The following TGS1 variants were observed in gnomAD, a reference collection of about 807,000 sequenced individuals.
TGS1 encodes the protein trimethylguanosine synthase 1.
Under a neutral mutation model 92.2 loss-of-function variants are expected in TGS1, and 69 were observed. The observed-to-expected ratio is 0.75, with a 90% CI of 0.62 to 0.91. The LOEUF (loss-of-function observed/expected upper bound fraction) is 0.91, where lower values mean the gene tolerates loss of function less well. Among genes scored for constraint, TGS1 ranks in the 40% least tolerant of loss-of-function variants. The probability of loss-of-function intolerance (pLI) is 0.00; values close to 1 mark genes in which losing one functional copy is unlikely to be tolerated. For synonymous variants in TGS1, 345 were observed against 338.1 expected (o/e 1.02, Z -0.22); for missense variants, 1,062 against 1,001.2 (o/e 1.06, Z -0.82).
chr8:55,785,508 A>G (rs1365398395), intron 2 of TGS1, among the ~76,000 whole-genome samples: 2 of 152,088 alleles, frequency 1.3e-5, no homozygotes, highest in East Asian at 3.9e-4. Context: ...AGAGCTTTTT[A>G]GTGCATTATG....
intron 4 of TGS1, among the ~76,000 whole-genome samples, chr8:55,789,332 T>C (rs17445804): frequency 0.021 from 3,248 of 152,334 alleles, 58 homozygotes; most frequent in Middle Eastern, 0.051. Context: ...AGTATTGTCT[T>C]TGTTACTCTC....
intron 5 of TGS1, 122 bp downstream of exon 5, chr8:55,790,421 A>T (rs1171550350): frequency 2.9e-6 from 2 of 679,522 alleles, no homozygotes; most frequent in East Asian, 5.2e-5. Context: ...AAGAGGCAGG[A>T]TCTACTGGTA....
chr8:55,806,380 CAAAA>C (rs1812373742), intron 10 of TGS1, among the ~76,000 whole-genome samples: 1 of 119,576 alleles, frequency 8.4e-6, no homozygotes, highest in African/African-American at 3.2e-5. Flanking sequence ...AAAAAAAAGA[CAAAA>C]GAAAAAAAAA....
intron 1 of TGS1, among the ~76,000 whole-genome samples, chr8:55,778,142 G>T (rs960712769): frequency 6.6e-6 from 1 of 152,074 alleles, no homozygotes; most frequent in African/African-American, 2.4e-5. Context: ...GCATGGTGGG[G>T]CACTCCTGTA....
chr8:55,795,895 AATGTT>A, intron 6 of TGS1, 78 bp from the exon 7 acceptor site: 1 of 1,042,946 alleles, frequency 9.6e-7, no homozygotes, highest in Non-Finnish European at 1.4e-6. Context: ...AATGAGTGAA[AATGTT>A]AGTTTCATCC....
chr8:55,818,817 A>T (rs1803553988), intron 12 of TGS1, among the ~76,000 whole-genome samples: 1 of 152,246 alleles, frequency 6.6e-6, no homozygotes, highest in South Asian at 2.1e-4. Flanking sequence ...GCTACCTGCC[A>T]GTCCTGTGCT....
intron 2 of TGS1, among the ~76,000 whole-genome samples, chr8:55,783,045 T>A (rs1563450773): frequency 6.6e-6 from 1 of 152,218 alleles, no homozygotes; most frequent in African/African-American, 2.4e-5. Context: ...TAGCCTCTTT[T>A]GCTGTGTGTA....
intron 10 of TGS1, among the ~76,000 whole-genome samples, chr8:55,809,945 A>T (rs1563466704): frequency 6.6e-6 from 1 of 152,134 alleles, no homozygotes; most frequent in African/African-American, 2.4e-5. Context: ...ACTGAAAAGA[A>T]TTTTTTCTCT....
chr8:55,814,716 C>T (rs1287616020), intron 12 of TGS1, among the ~76,000 whole-genome samples: 1 of 140,610 alleles, frequency 7.1e-6, no homozygotes, highest in Non-Finnish European at 1.5e-5. Flanking sequence ...CACATACACA[C>T]AAATTAGCCG....
chr8:55,779,639 T>G (rs935830600), intron 1 of TGS1, among the ~76,000 whole-genome samples: 6 of 152,214 alleles, frequency 3.9e-5, no homozygotes, highest in African/African-American at 1.4e-4. Context: ...CTGATGCTAC[T>G]TTTAGGAAGC....
rs1347185580 is a variant in TGS1, at chr8:55,773,800, G to A, written c.101+81G>A. On this transcript the variant is annotated intron_variant, in intron 1 of 12. Transcript: ENST00000260129. ...AGGTATTGCAAACGTGGTTGTAATT[G>A]ATCCCTGAAAGCAGCCAGAACATCT... 4.3e-6 allele frequency: 5 copies of A among 1,168,954 alleles called. No homozygotes were observed. The East Asian group carries it at 1.0e-4, about 24-fold the overall frequency. The allele number at this position is 1,168,954 out of a possible 1,614,324, so 72.4% of individuals were successfully genotyped here. A position where few individuals can be genotyped will look rare whatever the true frequency, so the allele number is the denominator to read the frequency against.
intron 2 of TGS1, 77 bp downstream of exon 2, chr8:55,782,889 T>A: frequency 1.1e-6 from 1 of 909,146 alleles, no homozygotes; most frequent in East Asian, 2.7e-5. Context: ...TAATTTGTTA[T>A]AATATTGTAT....
chr8:55,814,277 T>C (rs1234071562), intron 12 of TGS1, among the ~76,000 whole-genome samples: 1 of 152,130 alleles, frequency 6.6e-6, no homozygotes, highest in Admixed American at 6.6e-5. Context: ...CTACTGATAC[T>C]GTAATCCACT....
intron 6 of TGS1, among the ~76,000 whole-genome samples, chr8:55,795,378 A>C (rs983741106): frequency 6.6e-6 from 1 of 152,202 alleles, no homozygotes; most frequent in African/African-American, 2.4e-5. Flanking sequence ...TAAATGCTAA[A>C]GTGTACGTGA....
At chr8:55,798,359 A>G (rs1812120035) in intron 7 of TGS1, among the ~76,000 whole-genome samples, 1 of 152,232 alleles carries the variant, frequency 6.6e-6, no homozygotes, top group African/African-American at 2.4e-5. Context: ...ATTTGCTGGG[A>G]CATATCTTAC....
At chr8:55,813,412 T>A (rs1803389217) in intron 12 of TGS1, among the ~76,000 whole-genome samples, 1 of 152,186 alleles carries the variant, frequency 6.6e-6, no homozygotes, top group African/African-American at 2.4e-5. Flanking sequence ...TAAACTAGCC[T>A]TTTTTTATTT....
In TGS1 at chr8:55,773,643, G is replaced by C. The variant is rs751648591; in HGVS notation, c.25G>C (p.Val9Leu). MCCEKWSR[V>L]AEMFLFIEER... is the part of the protein sequence containing the mutation. ...AATGTGCTGCGAGAAGTGGAGCCGC[G>C]TGGCGGAAATGTTTCTCTTCATTGA... The change falls in exon 1 of 13, where the codon GTG becomes CTG. Residue 9 changes from valine to leucine, a missense_variant. Val to Leu is a conservative substitution (Grantham distance 32, BLOSUM62 1). Coordinates refer to ENST00000260129, the MANE Select transcript of TGS1 (RefSeq NM_024831.8). 2 of 1,611,236 alleles carry C rather than the reference G, an allele frequency of 1.2e-6. No individual in the cohort carries two copies. Among genetic ancestry groups the C allele is most frequent in the Admixed American group, 3.4e-5 (2 of 59,520 alleles).
At chr8:55,801,311 C>T (rs1383535672) in intron 8 of TGS1, among the ~76,000 whole-genome samples, 5 of 152,196 alleles carry the variant, frequency 3.3e-5, no homozygotes, top group African/African-American at 1.2e-4. Context: ...TGCTCTGTTG[C>T]CCAGGCTGGA....
chr8:55,811,078 A>G lies in TGS1; in HGVS notation c.2341A>G (p.Thr781Ala), dbSNP rs1221661479. ...CACTGCAGAGACCTTTGACATTAGA[A>G]CAATGATGTCTCCTGATGGATATCC... ...YATAETFDIR[T>A]MMSPDGFEIF... Residue 781 changes from threonine to alanine, a missense_variant, in exon 11 of 13, where the codon ACA becomes GCA. Coordinates refer to ENST00000260129, the MANE Select transcript of TGS1 (RefSeq NM_024831.8). The G allele has an allele frequency of 1.2e-6, 2 of 1,613,378 alleles. No homozygotes were observed. The highest frequency in any genetic ancestry group is 2.2e-5 in the East Asian group (1 of 44,872).
Sources: gnomAD v4.1 joint callset for allele counts (sites outside exome capture counted in the v4.1 genomes callset) on GRCh38, gnomAD v4.1.1 for gene constraint, MANE v1.5 for transcripts, NCBI Gene and HGNC (gene_info 2026-07-23, HGNC 2026-07-21) for gene names.